Variants in ELN observed in about 807,000 individuals in gnomAD.
ELN encodes elastin.
In ELN, 65 loss-of-function variants were observed where a neutral mutation model predicts 105.8. The ratio of observed to expected loss-of-function variants is 0.61; its 90% CI spans 0.50 to 0.75. The LOEUF (loss-of-function observed/expected upper bound fraction) is 0.75. Among genes scored for constraint, ELN ranks in the 30% least tolerant of loss-of-function variants. The pLI is 0.00. For missense variants in ELN, 882 were observed against 969.4 expected (o/e 0.91, Z 1.20); for synonymous variants, 368 against 389.2 (o/e 0.95, Z 0.64).
At chr7:74,048,462 G>T in intron 14 of ELN, 41 bp from the exon 15 acceptor site, 1 of 1,613,810 alleles carries the variant, frequency 6.2e-7, no homozygotes, top group Non-Finnish European at 8.5e-7. Flanking sequence ...AGATACAGGA[G>T]CACTGTTTCA....
At chr7:74,033,640 C>G (rs1448867310) in intron 1 of ELN, among the ~76,000 whole-genome samples, 1 of 152,248 alleles carries the variant, frequency 6.6e-6, no homozygotes, top group Non-Finnish European at 1.5e-5. Context: ...GTGGCTGTGA[C>G]AGCTCCACAG....
In ELN at chr7:74,069,197, C is replaced by T. The variant is rs1195967200; in HGVS notation, c.*497C>T. ...GCACCTGAAGCCTCAAAGCTGGATT[C>T]GCTCTAGCATCCCTCCTCTCCTGGG... On this transcript the variant is annotated 3_prime_UTR_variant, in exon 33 of 33. Transcript: ENST00000252034. 3 of 246,000 alleles carry T rather than the reference C, an allele frequency of 1.2e-5. No homozygotes were observed. The highest frequency in any genetic ancestry group is 2.8e-5 in the African/African-American group (1 of 35,532). The allele number at this position is 246,000 out of a possible 1,614,324, so 15.2% of individuals were successfully genotyped here. A position where few individuals can be genotyped will look rare whatever the true frequency, so the allele number is the denominator to read the frequency against.
At chr7:74,062,543 GT>G (rs1190730693) in intron 26 of ELN, among the ~76,000 whole-genome samples, 3 of 151,900 alleles carry the variant, frequency 2.0e-5, no homozygotes, top group African/African-American at 7.2e-5. Flanking sequence ...TACTATTACC[GT>G]TGTTTGTTTG....
Position 74,063,256 on chromosome 7 carries a change from G to A in ELN, c.1858+32G>A, listed in dbSNP as rs782642581. ...TGAAACCCCAGGAGGGGCAGGGTGG[G>A]GAGGGAATCTAACCAGTACAGAGTG... On this transcript the variant is annotated intron_variant, in intron 27 of 32. Coordinates refer to ENST00000252034, the MANE Select transcript of ELN (RefSeq NM_000501.4). The surrounding 1 kb of genome is among the most constrained non-coding windows in gnomAD (Gnocchi z 4.1). The A allele has an allele frequency of 1.4e-5, 23 of 1,595,254 alleles. No homozygotes were observed. The Admixed American group carries it at 3.4e-4, about 24-fold the overall frequency.
chr7:74,034,093 C>T (rs1451066150), intron 1 of ELN, among the ~76,000 whole-genome samples: 13 of 152,222 alleles, frequency 8.5e-5, no homozygotes, highest in African/African-American at 3.1e-4. Context: ...TCATTCATGG[C>T]GTCCCCCTGC....
rs782259481 is a variant in ELN at position 74,046,657 on chromosome 7, G to A, written c.572-39G>A. On this transcript the variant is annotated intron_variant, in intron 11 of 32. Coordinates refer to ENST00000252034, the MANE Select transcript of ELN (RefSeq NM_000501.4). ...AGTGGGTGGCGGAGGGTTTGGAAGG[G>A]GGTGCTGGGACCTGAACTTGCTCTC... is the stretch of plus-strand genomic sequence containing the variant. 65 of 1,610,506 alleles carry A rather than the reference G, an allele frequency of 4.0e-5. No individual in the cohort carries two copies. The Admixed American group carries it at 4.2e-4, about 10-fold the overall frequency.
intron 30 of ELN, 40 bp downstream of exon 30, chr7:74,065,772 C>A (rs1797805567): frequency 6.2e-6 from 10 of 1,613,522 alleles, no homozygotes; most frequent in Non-Finnish European, 8.5e-6. Flanking sequence ...GTGGCCTGCA[C>A]CCCCTGCCAT....
At chr7:74,061,424 G>A (rs1796621054) in intron 26 of ELN, among the ~76,000 whole-genome samples, 1 of 152,108 alleles carries the variant, frequency 6.6e-6, no homozygotes, top group African/African-American at 2.4e-5. Context: ...GGCCGAGGTG[G>A]GCAGATCAAC....
At chr7:74,052,217 C>T (rs1228955620) in intron 17 of ELN, 2 of 573,200 alleles carry the variant, frequency 3.5e-6, no homozygotes, top group East Asian at 3.0e-5. Context: ...GCTCCTCCCA[C>T]TCCATCCCCT....
chr7:74,063,558 C>G lies in ELN; in HGVS notation c.1919-63C>G. 1 of 1,612,996 alleles carries G rather than the reference C, an allele frequency of 6.2e-7. No individual in the cohort carries two copies. The highest frequency in any genetic ancestry group is 8.5e-7 in the Non-Finnish European group (1 of 1,179,190). On this transcript the variant is annotated intron_variant, in intron 28 of 32. Transcript: ENST00000252034. This position sits in a 1 kb window ranked among gnomAD's most constrained non-coding sequence, Gnocchi z 4.1. ...CCCCAGAGGACACCTCCGCCCTCCA[C>G]AGGCCGAGGCTTCAGTCCCACCTTT...
chr7:74,063,193 C>G lies in ELN; in HGVS notation c.1827C>G (p.Leu609=), dbSNP rs572506869. 43 of 1,609,412 alleles carry G rather than the reference C, an allele frequency of 2.7e-5. No individual in the cohort carries two copies. In the South Asian group the frequency reaches 4.8e-4, roughly 18 times the overall value. The change falls in exon 27 of 33, where the codon CTC becomes CTG. Residue 609 remains leucine, a synonymous_variant. Coordinates refer to ENST00000252034, the MANE Select transcript of ELN (RefSeq NM_000501.4). This position sits in a 1 kb window ranked among gnomAD's most constrained non-coding sequence, Gnocchi z 4.1. ...VPGVLGGLGA[L]GGVGIPGGVV... ...GGGTCCTTGGAGGGCTCGGGGCTCT[C>G]GGTGGAGTAGGCATCCCAGGCGGTG...
At chr7:74,052,203 C>T (rs561029698) in intron 17 of ELN, 5 of 595,926 alleles carry the variant, frequency 8.4e-6, no homozygotes, top group Non-Finnish European at 1.5e-5. Context: ...GCAGAGGGGA[C>T]ATGGCTCCTC....
At chr7:74,061,511 G>A (rs1272648482) in intron 26 of ELN, among the ~76,000 whole-genome samples, 2 of 152,108 alleles carry the variant, frequency 1.3e-5, no homozygotes, top group African/African-American at 2.4e-5. Context: ...AATTAGCCAG[G>A]TGTGGTGGCG....
At chr7:74,050,527 A>G (rs2131800932) in intron 15 of ELN, among the ~76,000 whole-genome samples, 1 of 151,290 alleles carries the variant, frequency 6.6e-6, no homozygotes, top group Middle Eastern at 3.4e-3. Context: ...GCACCCATCC[A>G]TCCATTTCTC....
intron 19 of ELN, among the ~76,000 whole-genome samples, chr7:74,056,015 G>A (rs541393313): frequency 6.6e-6 from 1 of 151,952 alleles, no homozygotes; most frequent in East Asian, 1.9e-4. Context: ...TCGAACTCCT[G>A]ACCTCAGGTG....
At position 74,046,764 on chromosome 7, in the gene ELN, C is replaced by T; in HGVS notation, c.640C>T (p.Pro214Ser). The change falls in exon 12 of 33, where the codon CCT (proline) becomes TCT (serine). Residue 214 changes from proline to serine, a missense_variant. Transcript: ENST00000252034. ...LGYPIKAPKL[P>S]GGYGLPYTTG... is the part of the protein sequence containing the mutation. ...GTATCCCATCAAGGCCCCCAAGCTG[C>T]CTGGTAAGTCAGAGGGACGGTTCAA... 1 of 1,614,106 alleles carries T rather than the reference C, an allele frequency of 6.2e-7. No individual in the cohort carries two copies. The highest frequency in any genetic ancestry group is 8.5e-7 in the Non-Finnish European group (1 of 1,179,998).
At chr7:74,060,601 G>T (rs565632539) in intron 25 of ELN, 100 bp downstream of exon 25, 1 of 1,590,144 alleles carries the variant, frequency 6.3e-7, no homozygotes, top group South Asian at 1.1e-5. Context: ...TCACCCAGGG[G>T]TGCATAGTAA....
At chr7:74,066,912 G>A (rs1798084372) in intron 32 of ELN, 136 bp downstream of exon 32, 2 of 874,274 alleles carry the variant, frequency 2.3e-6, no homozygotes, top group East Asian at 2.7e-5. Context: ...GTCACACGAG[G>A]CTGGACCCCG....
In ELN at chr7:74,063,327, G is replaced by A. The variant is rs781861907; in HGVS notation, c.1876G>A (p.Ala626Thr). ...GGVVGAGPAA[A>T]AAAAKAAAKA... ...GTTCCCAGGAGCCGGACCCGCCGCC[G>A]CCGCTGCCGCAGCCAAAGCTGCTGC... Residue 626 changes from alanine to threonine, a missense_variant, in exon 28 of 33, where the codon GCC becomes ACC. Physicochemically the swap from Ala to Thr is moderately conservative, Grantham distance 58. Transcript: ENST00000252034. This position sits in a 1 kb window ranked among gnomAD's most constrained non-coding sequence, Gnocchi z 4.1. 55 of 1,550,974 alleles carry A rather than the reference G, an allele frequency of 3.5e-5. 1 individual carries two copies. The East Asian group carries it at 8.5e-4, about 24-fold the overall frequency.
Sources: gnomAD v4.1 joint callset for allele counts (sites outside exome capture counted in the v4.1 genomes callset) on GRCh38, gnomAD v4.1.1 for gene constraint, Gnocchi (gnomAD v3.1) non-coding constraint, MANE v1.5 for transcripts, NCBI Gene and HGNC (gene_info 2026-07-23, HGNC 2026-07-21) for gene names.